FRMD4A: variants seen among roughly 807,000 people sequenced by gnomAD.
FRMD4A encodes FERM domain containing 4A, also known as FERM domain-containing protein 4A.
FRMD4A carries 29 observed loss-of-function variants against 129.1 expected under a neutral mutation model. The ratio of observed to expected loss-of-function variants is 0.22; its 90% CI spans 0.17 to 0.31. FRMD4A has a LOEUF of 0.31. Ranked by LOEUF, FRMD4A falls within the 10% of genes least tolerant of loss-of-function variation. The probability of loss-of-function intolerance (pLI) is 1.00; values close to 1 mark genes in which losing one functional copy is unlikely to be tolerated. For synonymous variants in FRMD4A, 634 were observed against 571.6 expected, an observed-to-expected ratio of 1.11 and a Z score of -1.56; for missense variants, 1,272 against 1,375.8, an observed-to-expected ratio of 0.92 and a Z score of 1.19.
intron 2 of FRMD4A, among the ~76,000 whole-genome samples, chr10:14,216,246 T>C (rs1329978856): frequency 6.6e-6 from 1 of 152,184 alleles, no homozygotes; most frequent in Non-Finnish European, 1.5e-5. Context: ...TCAAACTCAG[T>C]TCCATTTTCT....
intron 2 of FRMD4A, among the ~76,000 whole-genome samples, chr10:14,304,071 A>G (rs1218475): frequency 0.17 from 26,142 of 152,198 alleles, 3,030 homozygotes; most frequent in African/African-American, 0.33. Context: ...CCTTTTGGCC[A>G]CTATGAATAA....
At chr10:14,053,241 G>A (rs1273995992) in intron 2 of FRMD4A, among the ~76,000 whole-genome samples, 3 of 152,218 alleles carry the variant, frequency 2.0e-5, no homozygotes, top group Non-Finnish European at 4.4e-5. Flanking sequence ...ACAGAATGGT[G>A]TATTAGCATA....
chr10:14,054,254 C>G (rs895253624), intron 2 of FRMD4A, among the ~76,000 whole-genome samples: 92 of 152,330 alleles, frequency 6.0e-4, no homozygotes, highest in African/African-American at 2.1e-3. Flanking sequence ...TTCTTTGTCT[C>G]TGGCCTTTGT....
intron 2 of FRMD4A, among the ~76,000 whole-genome samples, chr10:13,867,426 A>G (rs1472424495): frequency 1.3e-5 from 2 of 150,478 alleles, no homozygotes; most frequent in Non-Finnish European, 2.9e-5. Context: ...ACACAGGGTT[A>G]ATTTTTGTAT....
intron 2 of FRMD4A, chr10:13,871,325 T>C (rs560011088): frequency 6.5e-6 from 1 of 152,710 alleles, no homozygotes; most frequent in Non-Finnish European, 1.5e-5. Flanking sequence ...CACCAAGGTG[T>C]CCTGCATGAT....
rs4748047 is a variant in FRMD4A, at chr10:13,644,642, A to G, written c.*2396T>C. On this transcript the variant is annotated 3_prime_UTR_variant, in exon 25 of 25. Transcript: ENST00000357447. ...TCTCCAGACTAGATTTCAAGCTACT[A>G]TGCATGATGTAGAACATGTAACCAT... 6.6e-6 allele frequency: 1 copy of G among 152,086 alleles called. No individual in the cohort carries two copies. The highest frequency in any genetic ancestry group is 2.4e-5 in the African/African-American group (1 of 41,392). 9.4% of individuals were successfully genotyped at this position (152,086 alleles called of 1,614,324 possible).
At chr10:13,903,930 T>A (rs966226990) in intron 2 of FRMD4A, among the ~76,000 whole-genome samples, 1 of 152,144 alleles carries the variant, frequency 6.6e-6, no homozygotes, top group African/African-American at 2.4e-5. Flanking sequence ...GAATGGACAT[T>A]CTTGGATGTA....
At chr10:14,028,579 T>G (rs1308697485) in intron 2 of FRMD4A, among the ~76,000 whole-genome samples, 1 of 152,016 alleles carries the variant, frequency 6.6e-6, no homozygotes, top group African/African-American at 2.4e-5. Context: ...TTAAAAACAT[T>G]TTGTCCAAAT....
chr10:14,301,856 T>C (rs947485305), intron 2 of FRMD4A, among the ~76,000 whole-genome samples: 8 of 152,118 alleles, frequency 5.3e-5, no homozygotes, highest in African/African-American at 1.4e-4. Flanking sequence ...TAAATAGAAA[T>C]TGCCTGAAGA....
chr10:13,779,217 C>T (rs10906475), intron 6 of FRMD4A, among the ~76,000 whole-genome samples: 108,826 of 151,720 alleles, frequency 0.72, 39,435 homozygotes, highest in East Asian at 0.95. Flanking sequence ...CTCAGGAGGC[C>T]GAGGCAGAGA....
intron 12 of FRMD4A, 34 bp downstream of exon 12, chr10:13,737,810 G>T: frequency 8.7e-7 from 1 of 1,152,940 alleles, no homozygotes; most frequent in Non-Finnish European, 1.3e-6. Flanking sequence ...CTGGATCTGA[G>T]AGGAGTTAAA....
chr10:13,779,774 G>T (rs1409985664), intron 6 of FRMD4A, among the ~76,000 whole-genome samples: 2 of 124,580 alleles, frequency 1.6e-5, no homozygotes, highest in Admixed American at 9.0e-5. Flanking sequence ...ATAAACTTAT[G>T]CAAAATTCAC....
chr10:13,935,629 G>A (rs11258727), intron 2 of FRMD4A, among the ~76,000 whole-genome samples: 1 of 151,962 alleles, frequency 6.6e-6, no homozygotes, highest in African/African-American at 2.4e-5. Flanking sequence ...TTATTTTTCA[G>A]TGGTGACGTG....
intron 2 of FRMD4A, chr10:13,991,717 T>G (rs1431632927): frequency 6.6e-6 from 1 of 152,670 alleles, no homozygotes; most frequent in Non-Finnish European, 1.5e-5. Context: ...TTTTTTACTC[T>G]CAATGGGCTA....
chr10:13,826,277 T>C (rs2130922236), intron 3 of FRMD4A, among the ~76,000 whole-genome samples: 1 of 152,342 alleles, frequency 6.6e-6, no homozygotes, highest in South Asian at 2.1e-4. Flanking sequence ...GGGTGAGCTG[T>C]CATCCTTCAT....
chr10:14,169,733 C>A (rs1405884492), intron 2 of FRMD4A, among the ~76,000 whole-genome samples: 2 of 152,114 alleles, frequency 1.3e-5, no homozygotes, highest in African/African-American at 2.4e-5. Flanking sequence ...CAAACATTTC[C>A]TTGAATTTAA....
chr10:14,132,429 G>T (rs1166701015), intron 2 of FRMD4A, among the ~76,000 whole-genome samples: 1 of 152,222 alleles, frequency 6.6e-6, no homozygotes, highest in East Asian at 1.9e-4. Flanking sequence ...AATGTGGAGA[G>T]GGGAGGCTGC....
chr10:13,950,199 C>T (rs949329203), intron 2 of FRMD4A, among the ~76,000 whole-genome samples: 1 of 152,192 alleles, frequency 6.6e-6, no homozygotes, highest in Non-Finnish European at 1.5e-5. Flanking sequence ...TTAGGGGATG[C>T]TAAATTCCCA....
chr10:13,864,857 G>A (rs1260476060), intron 2 of FRMD4A, among the ~76,000 whole-genome samples: 1 of 152,152 alleles, frequency 6.6e-6, no homozygotes, highest in African/African-American at 2.4e-5. Context: ...AATTACAGGT[G>A]TGAGCCACCG....
Sources: gnomAD v4.1 joint callset for allele counts (sites outside exome capture counted in the v4.1 genomes callset) on GRCh38, gnomAD v4.1.1 for gene constraint, MANE v1.5 for transcripts, NCBI Gene and HGNC (gene_info 2026-07-23, HGNC 2026-07-21) for gene names.